BCAR3: variants seen among roughly 807,000 people sequenced by gnomAD.
BCAR3 encodes BCAR3 adaptor protein, NSP family member.
In BCAR3, 37 loss-of-function variants were observed where a neutral mutation model predicts 80.1. That is an observed-to-expected ratio of 0.46 (90% confidence interval 0.36 to 0.61). The LOEUF (loss-of-function observed/expected upper bound fraction) is 0.61, where lower values mean the gene tolerates loss of function less well. Ranked by LOEUF, BCAR3 falls within the 20% of genes least tolerant of loss-of-function variation. BCAR3 has a pLI of 0.00. For missense variants in BCAR3, 978 were observed against 1,068.2 expected (o/e 0.92, Z 1.18); for synonymous variants, 389 against 418.9 (o/e 0.93, Z 0.87).
chr1:93,761,059 A>G (rs980464822), intron 2 of BCAR3, among the ~76,000 whole-genome samples: 2 of 152,182 alleles, frequency 1.3e-5, no homozygotes, highest in African/African-American at 4.8e-5. Flanking sequence ...CTGTGGTTTT[A>G]TGCTGGGGCC....
At chr1:93,589,880 G>C (rs1674100715) in intron 4 of BCAR3, among the ~76,000 whole-genome samples, 1 of 152,182 alleles carries the variant, frequency 6.6e-6, no homozygotes, top group African/African-American at 2.4e-5. Flanking sequence ...ATACAGACCT[G>C]AATGATGTAA....
intron 10 of BCAR3, 114 bp from the exon 11 acceptor site, chr1:93,567,605 C>T (rs529595862): frequency 3.0e-4 from 414 of 1,401,694 alleles, no homozygotes; most frequent in Non-Finnish European, 3.8e-4. Context: ...CTACAAGCAA[C>T]GCTGTCATCT....
In BCAR3 at chr1:93,732,137, C is replaced by T. The variant is rs144517294; in HGVS notation, c.-62-25995G>A. 5.1e-3 allele frequency among the ~76,000 whole-genome samples: 783 copies of T among 152,324 alleles called. 5 individuals carry two copies. Among genetic ancestry groups the T allele is most frequent in the African/African-American group, 0.017 (704 of 41,570 alleles). On this transcript the variant is annotated intron_variant, in intron 2 of 13. Coordinates refer to the BCAR3 transcript ENST00000370244. Reference sequence around the variant, plus strand: ...AGGGAATAGAAAGAGGTTCACAGAACGGGTGGCTTCACAGTGTGGAGCCAA... The same window carrying T: ...AGGGAATAGAAAGAGGTTCACAGAATGGGTGGCTTCACAGTGTGGAGCCAA...
intron 3 of BCAR3, 85 bp downstream of exon 3, chr1:93,642,219 T>A: frequency 6.9e-7 from 1 of 1,445,982 alleles, no homozygotes; most frequent in Non-Finnish European, 9.7e-7. Context: ...CAAACCAGGC[T>A]GCAGCATTAT....
intron 2 of BCAR3, among the ~76,000 whole-genome samples, chr1:93,660,911 T>C (rs1461922608): frequency 6.7e-6 from 1 of 150,102 alleles, no homozygotes; most frequent in Admixed American, 6.6e-5. Context: ...AGTTTCACTC[T>C]TGTTGCCCAG....
chr1:93,844,232 G>A (rs570894129), intron 2 of BCAR3, among the ~76,000 whole-genome samples: 32 of 152,236 alleles, frequency 2.1e-4, no homozygotes, highest in East Asian at 3.9e-4. Context: ...GCTTCAACTC[G>A]GGAAATGGAG....
At chr1:93,590,779 A>G (rs1674139770) in intron 4 of BCAR3, among the ~76,000 whole-genome samples, 1 of 152,198 alleles carries the variant, frequency 6.6e-6, no homozygotes, top group Non-Finnish European at 1.5e-5. Context: ...CAGCAATCTT[A>G]AAGGATATTG....
intron 2 of BCAR3, among the ~76,000 whole-genome samples, chr1:93,750,257 G>T (rs1651510517): frequency 6.6e-6 from 1 of 152,170 alleles, no homozygotes; most frequent in South Asian, 2.1e-4. Context: ...CTGCATTTCA[G>T]GCACCAGCGA....
chr1:93,699,149 A>G (rs114680841), intron 3 of BCAR3, among the ~76,000 whole-genome samples: 1,677 of 152,142 alleles, frequency 0.011, 24 homozygotes, highest in Non-Finnish European at 0.013. Flanking sequence ...AAGGAACTGA[A>G]CCTCAGAGAG....
chr1:93,686,510 T>A (rs963073128), upstream of BCAR3, among the ~76,000 whole-genome samples: 13 of 152,378 alleles, frequency 8.5e-5, no homozygotes, highest in African/African-American at 3.1e-4. Flanking sequence ...TGCTAAGTGC[T>A]TTACAAGCTT....
At chr1:93,575,051 T>C (rs1467410408) in intron 8 of BCAR3, among the ~76,000 whole-genome samples, 1 of 151,324 alleles carries the variant, frequency 6.6e-6, no homozygotes, top group Non-Finnish European at 1.5e-5. Context: ...CCCCGAGAAG[T>C]GGCTTTTTAC....
At chr1:93,638,431 A>G (rs980432345) in intron 3 of BCAR3, among the ~76,000 whole-genome samples, 7 of 152,240 alleles carry the variant, frequency 4.6e-5, no homozygotes, top group African/African-American at 7.2e-5. Flanking sequence ...GTGATCTAAG[A>G]AACTGGACAC....
At chr1:93,681,417 G>A (rs1364493958) in intron 1 of BCAR3, 181 bp downstream of exon 1, 4 of 152,256 alleles carry the variant, frequency 2.6e-5, no homozygotes, top group Admixed American at 2.6e-4. Flanking sequence ...AGTCACCCCC[G>A]CCCCCAACGC....
At chr1:93,568,373 C>T (rs950828210) in intron 9 of BCAR3, among the ~76,000 whole-genome samples, 10 of 152,092 alleles carry the variant, frequency 6.6e-5, no homozygotes, top group Non-Finnish European at 1.3e-4. Context: ...ACTGCTTGTG[C>T]GTGTGTGTTT....
chr1:93,826,823 T>C (rs941236478), intron 2 of BCAR3, among the ~76,000 whole-genome samples: 1 of 152,056 alleles, frequency 6.6e-6, no homozygotes, highest in East Asian at 1.9e-4. Context: ...CATGTGTGCA[T>C]GCACGTGTGT....
At chr1:93,840,386 T>C (rs935451365) in intron 2 of BCAR3, among the ~76,000 whole-genome samples, 2 of 152,222 alleles carry the variant, frequency 1.3e-5, no homozygotes, top group Non-Finnish European at 2.9e-5. Flanking sequence ...AGGTCTGATA[T>C]ACATGAAGAA....
At chr1:93,825,654 A>G (rs1654346242) in intron 2 of BCAR3, among the ~76,000 whole-genome samples, 1 of 79,488 alleles carries the variant, frequency 1.3e-5, no homozygotes, top group Non-Finnish European at 3.3e-5. Flanking sequence ...CTCCTTCCCC[A>G]GGGCCAAACC....
intron 2 of BCAR3, among the ~76,000 whole-genome samples, chr1:93,766,662 A>G (rs771910773): frequency 6.6e-6 from 1 of 152,242 alleles, no homozygotes; most frequent in Non-Finnish European, 1.5e-5. Context: ...GTCCGCTTCA[A>G]GTTATTCAGA....
chr1:93,723,770 G>A (rs980636459), intron 2 of BCAR3, among the ~76,000 whole-genome samples: 3 of 152,188 alleles, frequency 2.0e-5, no homozygotes, highest in African/African-American at 7.2e-5. Flanking sequence ...AGGAAAAAGA[G>A]GCTGTGATAA....
Sources: allele counts gnomAD v4.1 joint callset (sites outside exome capture counted in the v4.1 genomes callset), GRCh38; gene constraint gnomAD v4.1.1; transcripts MANE v1.5; gene names NCBI Gene and HGNC (gene_info 2026-07-23, HGNC 2026-07-21).